Variants in HYCC2 observed in about 807,000 individuals in gnomAD.
HYCC2 encodes hyccin 2.
the HYCC2 span, among the ~76,000 whole-genome samples, chr2:201,043,152 C>T: frequency 6.6e-6 from 1 of 152,166 alleles, no homozygotes; most frequent in African/African-American, 2.4e-5. Context: ...CTCTCTGAAA[C>T]ATGAGCTGTG....
the HYCC2 span, among the ~76,000 whole-genome samples, chr2:200,990,169 T>C: frequency 3.3e-5 from 5 of 152,224 alleles, no homozygotes; most frequent in African/African-American, 1.2e-4. Flanking sequence ...TCCTTTGCAA[T>C]TAGAAATAAA....
At chr2:201,064,742 A>G in the HYCC2 span, among the ~76,000 whole-genome samples, 6 of 152,232 alleles carry the variant, frequency 3.9e-5, no homozygotes, top group African/African-American at 1.2e-4. Context: ...TAATCAATAA[A>G]CGATTTAATT....
chr2:201,028,230 A>T, the HYCC2 span, among the ~76,000 whole-genome samples: 1 of 152,210 alleles, frequency 6.6e-6, no homozygotes, highest in Non-Finnish European at 1.5e-5. Flanking sequence ...TTCAAAGAGA[A>T]TAAAATACCT....
the HYCC2 span, among the ~76,000 whole-genome samples, chr2:201,055,032 A>G: frequency 1.3e-5 from 2 of 152,168 alleles, no homozygotes; most frequent in African/African-American, 4.8e-5. Flanking sequence ...TTGGTATTCA[A>G]AGAGTTGAGT....
At chr2:201,041,936 T>TCC in the HYCC2 span, among the ~76,000 whole-genome samples, 1 of 151,726 alleles carries the variant, frequency 6.6e-6, no homozygotes, top group Non-Finnish European at 1.5e-5. Flanking sequence ...AATAGAATAG[T>TCC]CTCTCTCCCC....
the HYCC2 span, among the ~76,000 whole-genome samples, chr2:201,035,618 C>T: frequency 7.2e-5 from 11 of 152,304 alleles, no homozygotes; most frequent in Admixed American, 5.2e-4. Flanking sequence ...AGTCATTCTC[C>T]GTCCAGCTTT....
At chr2:201,037,596 C>T in the HYCC2 span, among the ~76,000 whole-genome samples, 1 of 152,118 alleles carries the variant, frequency 6.6e-6, no homozygotes, top group Non-Finnish European at 1.5e-5. Flanking sequence ...CACATATCTA[C>T]AACTATCTGA....
At chr2:201,006,183 A>G in the HYCC2 span, among the ~76,000 whole-genome samples, 2 of 145,398 alleles carry the variant, frequency 1.4e-5, no homozygotes, top group Non-Finnish European at 3.0e-5. Context: ...GCTGGAGTGC[A>G]CTGGCGTGAT....
chr2:201,037,331 C>G, the HYCC2 span, among the ~76,000 whole-genome samples: 4 of 152,058 alleles, frequency 2.6e-5, no homozygotes, highest in East Asian at 5.8e-4. Context: ...GTAATTTATA[C>G]ATTCATTGCC....
At chr2:200,986,515 C>T in the HYCC2 span, among the ~76,000 whole-genome samples, 1 of 151,274 alleles carries the variant, frequency 6.6e-6, no homozygotes, top group Non-Finnish European at 1.5e-5. Flanking sequence ...GCATTACATG[C>T]AAAACAGTAA....
the HYCC2 span, among the ~76,000 whole-genome samples, chr2:200,999,237 T>G: frequency 6.6e-6 from 1 of 152,188 alleles, no homozygotes; most frequent in Non-Finnish European, 1.5e-5. Context: ...TGGGATCCTA[T>G]GGTGAAGTTT....
the HYCC2 span, among the ~76,000 whole-genome samples, chr2:201,031,843 T>C: frequency 0.031 from 4,699 of 152,310 alleles, 263 homozygotes; most frequent in African/African-American, 0.11. Context: ...CTTGTTTCTG[T>C]TTCTGCAGAG....
the HYCC2 span, among the ~76,000 whole-genome samples, chr2:201,042,725 G>A: frequency 1.3e-5 from 2 of 149,620 alleles, no homozygotes; most frequent in African/African-American, 2.5e-5. Context: ...CCGGCCAGCC[G>A]CCCCGTCCGG....
the HYCC2 span, among the ~76,000 whole-genome samples, chr2:201,042,231 T>G: frequency 6.6e-6 from 1 of 152,230 alleles, no homozygotes; most frequent in South Asian, 2.1e-4. Flanking sequence ...GTGCCGGGAT[T>G]GCAGACGGAG....
At chr2:200,997,479 A>G in the HYCC2 span, 19 of 1,613,436 alleles carry the variant, frequency 1.2e-5, no homozygotes, top group South Asian at 1.9e-4. Context: ...TGGTAAGATG[A>G]GGCAGGCATA....
the HYCC2 span, among the ~76,000 whole-genome samples, chr2:201,025,269 G>C: frequency 6.6e-6 from 1 of 152,154 alleles, no homozygotes; most frequent in African/African-American, 2.4e-5. Context: ...AAGGGATTCC[G>C]TAAGAATTAA....
the HYCC2 span, among the ~76,000 whole-genome samples, chr2:200,993,737 T>G: frequency 6.6e-6 from 1 of 151,908 alleles, no homozygotes; most frequent in South Asian, 2.1e-4. Context: ...ATCCCAGCAC[T>G]TTGGGAGGCT....
chr2:201,048,626 T>C, the HYCC2 span, among the ~76,000 whole-genome samples: 1 of 151,988 alleles, frequency 6.6e-6, no homozygotes, highest in Non-Finnish European at 1.5e-5. Context: ...GATACCCCGA[T>C]GTAGAAAAAA....
the HYCC2 span, among the ~76,000 whole-genome samples, chr2:201,068,049 C>T: frequency 6.6e-6 from 1 of 152,080 alleles, no homozygotes; most frequent in Non-Finnish European, 1.5e-5. Flanking sequence ...CTTATGGAGG[C>T]CGAGGCAGGC....
Sources: gnomAD v4.1 joint callset for allele counts (sites outside exome capture counted in the v4.1 genomes callset) on GRCh38, gnomAD v4.1.1 for gene constraint, MANE v1.5 for transcripts, NCBI Gene and HGNC (gene_info 2026-07-23, HGNC 2026-07-21) for gene names.